Variants in PHLDB2 observed in about 807,000 individuals in gnomAD.
The protein encoded by PHLDB2 is pleckstrin homology-like domain family B member 2.
In PHLDB2, 71 loss-of-function variants were observed where a neutral mutation model predicts 123.6. That is an observed-to-expected ratio of 0.57 (90% CI 0.47 to 0.70). The LOEUF is 0.70. Ranked by LOEUF, PHLDB2 falls within the 30% of genes least tolerant of loss-of-function variation. The pLI, the probability that PHLDB2 is intolerant of heterozygous loss-of-function variation, is 0.00. For missense variants in PHLDB2, 1,446 were observed against 1,519.5 expected, an observed-to-expected ratio of 0.95 and a Z score of 0.80; for synonymous variants, 547 against 541.6, an observed-to-expected ratio of 1.01 and a Z score of -0.14.
At chr3:111,744,598 G>A (rs2059653603) in intron 1 of PHLDB2, among the ~76,000 whole-genome samples, 1 of 152,176 alleles carries the variant, frequency 6.6e-6, no homozygotes, top group African/African-American at 2.4e-5. Flanking sequence ...TGGATACTGT[G>A]CAGCCATTTC....
intron 1 of PHLDB2, among the ~76,000 whole-genome samples, chr3:111,743,373 A>C (rs907598629): frequency 1.2e-4 from 19 of 152,172 alleles, no homozygotes; most frequent in African/African-American, 4.3e-4. Flanking sequence ...ATTTAGAAAA[A>C]TTCTGTGCAG....
In PHLDB2 at chr3:111,962,164, C is replaced by T. The variant is rs367905377; in HGVS notation, c.2929C>T (p.Arg977Cys). ...CAGGCAGAAATCTGAATTTTATAAC[C>T]GCACAGCATCTGAATCAAATGTCTA... ...GHRQKSEFYN[R>C]TASESNVYLN... The change falls in exon 13 of 18, where the codon CGC becomes TGC. Residue 977 changes from arginine to cysteine, a missense_variant. Coordinates refer to ENST00000431670, the MANE Select transcript of PHLDB2 (RefSeq NM_001134438.2). The T allele has an allele frequency of 1.7e-5, 27 of 1,584,364 alleles. No individual in the cohort carries two copies. The highest frequency in any genetic ancestry group is 1.7e-4 in the Middle Eastern group (1 of 5,974).
At chr3:111,834,776 A>G (rs114119034) in intron 1 of PHLDB2, among the ~76,000 whole-genome samples, 2,616 of 152,116 alleles carry the variant, frequency 0.017, 69 homozygotes, top group African/African-American at 0.053. Context: ...CCAATCAAAG[A>G]CTATGGAAAT....
At chr3:111,907,668 G>A (rs2067629698) in intron 2 of PHLDB2, among the ~76,000 whole-genome samples, 1 of 152,032 alleles carries the variant, frequency 6.6e-6, no homozygotes, top group Non-Finnish European at 1.5e-5. Context: ...GCTGATTTTT[G>A]TATTTTTAGT....
chr3:111,974,673 T>A lies in PHLDB2; in HGVS notation c.*110T>A. 8.7e-7 allele frequency: 1 copy of A among 1,151,924 alleles called. No homozygotes were observed. The highest frequency in any genetic ancestry group is 1.2e-6 in the Non-Finnish European group (1 of 867,984). 71.4% of individuals were successfully genotyped at this position (1,151,924 alleles called of 1,614,324 possible). A position where few individuals can be genotyped will look rare whatever the true frequency, so the allele number is the denominator to read the frequency against. Reference sequence around the variant, plus strand: ...CCCAACAGATCCATCCCTTGAGCTGTAAACACTCAGAACTCCTTTCATATC... The same window carrying A: ...CCCAACAGATCCATCCCTTGAGCTGAAAACACTCAGAACTCCTTTCATATC... On this transcript the variant is annotated 3_prime_UTR_variant, in exon 18 of 18. Transcript: ENST00000431670.
intron 1 of PHLDB2, among the ~76,000 whole-genome samples, chr3:111,758,726 G>A (rs180865470): frequency 6.6e-6 from 1 of 152,202 alleles, no homozygotes; most frequent in Non-Finnish European, 1.5e-5. Context: ...GACTGGAGCT[G>A]TTCCTATTCG....
At chr3:111,915,241 C>G (rs1011381296) in intron 3 of PHLDB2, 1 of 152,124 alleles carries the variant, frequency 6.6e-6, no homozygotes, top group Non-Finnish European at 1.5e-5. Flanking sequence ...TGTCATGGTA[C>G]TAAATTCTGG....
rs1051746520 is a variant in PHLDB2, at chr3:111,969,857, A to G, written c.3483A>G (p.Lys1161=). ...TGGGTGGGAAAATTAAAACGTGGAA[A>G]AAACGTTGGTTTGTTTTTGATCGGA... ...IKMGGKIKTW[K]KRWFVFDRNK... is the part of the protein sequence containing the mutation. Residue 1161 remains lysine, a synonymous_variant, in exon 16 of 18, where the codon AAA becomes AAG. Coordinates refer to ENST00000431670, the MANE Select transcript of PHLDB2 (RefSeq NM_001134438.2). 6 of 1,613,992 alleles carry G rather than the reference A, an allele frequency of 3.7e-6. No individual in the cohort carries two copies. In the African/African-American group the frequency reaches 8.0e-5, roughly 22 times the overall value.
chr3:111,814,234 C>T (rs533145055), intron 1 of PHLDB2, among the ~76,000 whole-genome samples: 1 of 152,182 alleles, frequency 6.6e-6, no homozygotes, highest in Admixed American at 6.5e-5. Context: ...GCAGACCCAC[C>T]CTTGATCTGG....
At chr3:111,836,406 A>G (rs1465595940) in intron 1 of PHLDB2, among the ~76,000 whole-genome samples, 1 of 152,148 alleles carries the variant, frequency 6.6e-6, no homozygotes, top group African/African-American at 2.4e-5. Context: ...GAAAGGGAAG[A>G]TGAGATTCTA....
At chr3:111,900,928 G>T (rs1450584623) in intron 2 of PHLDB2, among the ~76,000 whole-genome samples, 1 of 151,950 alleles carries the variant, frequency 6.6e-6, no homozygotes, top group African/African-American at 2.4e-5. Flanking sequence ...TAGAAATGGG[G>T]TCTCTCTATG....
intron 2 of PHLDB2, among the ~76,000 whole-genome samples, chr3:111,851,005 C>T (rs560586597): frequency 7.8e-4 from 118 of 151,394 alleles, no homozygotes; most frequent in Non-Finnish European, 1.5e-3. Flanking sequence ...ACCAACCTGG[C>T]TAACACAGTG....
intron 1 of PHLDB2, among the ~76,000 whole-genome samples, chr3:111,783,170 C>G (rs1011981528): frequency 6.6e-6 from 1 of 152,028 alleles, no homozygotes; most frequent in Non-Finnish European, 1.5e-5. Flanking sequence ...GCTTCAGCAT[C>G]AAGGTCATGG....
chr3:111,892,121 C>G (rs1191520587), intron 2 of PHLDB2, among the ~76,000 whole-genome samples: 1 of 152,216 alleles, frequency 6.6e-6, no homozygotes, highest in Non-Finnish European at 1.5e-5. Context: ...TACCAGCTCT[C>G]ATGAAGCATC....
At chr3:111,965,648 T>C (rs1304838398) in intron 13 of PHLDB2, among the ~76,000 whole-genome samples, 1 of 152,198 alleles carries the variant, frequency 6.6e-6, no homozygotes, top group Non-Finnish European at 1.5e-5. Flanking sequence ...CTGTATGTCC[T>C]CAAGAGAGTC....
At chr3:111,885,442 C>A (rs2066103299) in intron 2 of PHLDB2, 30 bp downstream of exon 2, 1 of 1,613,480 alleles carries the variant, frequency 6.2e-7, no homozygotes, top group African/African-American at 1.3e-5. Flanking sequence ...TGATTGACCT[C>A]ACTGTTTCAT....
chr3:111,796,621 C>A (rs2061171294), intron 1 of PHLDB2, among the ~76,000 whole-genome samples: 1 of 152,120 alleles, frequency 6.6e-6, no homozygotes, highest in African/African-American at 2.4e-5. Context: ...GCAACTTCTG[C>A]CTCCTGGATT....
chr3:111,856,047 G>A (rs1177975835), upstream of PHLDB2, among the ~76,000 whole-genome samples: 1 of 152,174 alleles, frequency 6.6e-6, no homozygotes, highest in East Asian at 1.9e-4. Context: ...GGGAAACTTT[G>A]CTGGGTTTAG....
intron 1 of PHLDB2, 130 bp downstream of exon 1, chr3:111,859,706 G>C (rs1162823057): frequency 1.0e-6 from 1 of 985,332 alleles, no homozygotes; most frequent in Non-Finnish European, 1.2e-6. Flanking sequence ...GGAGGGTTGG[G>C]GGCGGAGAGG....
Sources: allele counts gnomAD v4.1 joint callset (sites outside exome capture counted in the v4.1 genomes callset), GRCh38; gene constraint gnomAD v4.1.1; transcripts MANE v1.5; gene names NCBI Gene and HGNC (gene_info 2026-07-23, HGNC 2026-07-21).